SYNPR: variants seen among roughly 807,000 people sequenced by gnomAD.
SYNPR encodes the protein synaptoporin.
A neutral mutation model predicts 32.9 loss-of-function variants in SYNPR; 23 were observed. That is an observed-to-expected ratio of 0.70 (90% confidence interval 0.50 to 0.99). The LOEUF is 0.99. SYNPR is among the 50% of genes least tolerant of loss of function. The pLI, the probability that SYNPR is intolerant of heterozygous loss-of-function variation, is 0.00. For synonymous variants in SYNPR, 146 were observed against 135.9 expected, an observed-to-expected ratio of 1.07 and a Z score of -0.52; for missense variants, 318 against 349.3, an observed-to-expected ratio of 0.91 and a Z score of 0.71.
At chr3:63,406,977 T>A (rs2088368937) in intron 2 of SYNPR, among the ~76,000 whole-genome samples, 1 of 152,180 alleles carries the variant, frequency 6.6e-6, no homozygotes, top group Non-Finnish European at 1.5e-5. Context: ...GCCTGTGAAC[T>A]TTTTTGGACT....
intron 2 of SYNPR, among the ~76,000 whole-genome samples, chr3:63,380,015 A>T (rs1197404849): frequency 6.6e-6 from 1 of 151,908 alleles, no homozygotes; most frequent in Non-Finnish European, 1.5e-5. Flanking sequence ...AAGGACATGA[A>T]CTCATCATTT....
rs995492712 is a variant in SYNPR at position 63,452,022 on chromosome 3, G to C, written c.85-28810G>C. On this transcript the variant is annotated intron_variant, in intron 2 of 5. Transcript: ENST00000478300. ...CCTCCTTTCTTCCTCCCCCAGACCA[G>C]TTCCCTGATATAATTTTTTTCTCTT... The C allele has an allele frequency of 4.3e-6, 3 of 698,622 alleles. No homozygotes were observed. In the African/African-American group the frequency reaches 5.3e-5, roughly 12 times the overall value. 43.3% of individuals were successfully genotyped at this position (698,622 alleles called of 1,614,324 possible).
At chr3:63,304,500 T>C (rs758044546) in intron 2 of SYNPR, among the ~76,000 whole-genome samples, 1 of 152,004 alleles carries the variant, frequency 6.6e-6, no homozygotes, top group Non-Finnish European at 1.5e-5. Context: ...CAAAGGAATT[T>C]ATTCTCTAAA....
intron 3 of SYNPR, among the ~76,000 whole-genome samples, chr3:63,492,141 G>T (rs1293463798): frequency 6.6e-6 from 1 of 152,084 alleles, no homozygotes; most frequent in Non-Finnish European, 1.5e-5. Flanking sequence ...ATTTTCCCTT[G>T]CTCTAACCCT....
rs146061324 is a variant in SYNPR at position 63,337,546 on chromosome 3, A to C, written c.84+58804A>C. Among the ~76,000 whole-genome samples, 65 of 152,334 alleles carry C rather than the reference A, an allele frequency of 4.3e-4. No individual in the cohort carries two copies. In the East Asian group the frequency reaches 0.013, roughly 29 times the overall value. On this transcript the variant is annotated intron_variant, in intron 2 of 5. Transcript: ENST00000478300. Reference sequence around the variant, plus strand: ...AATGCATTAAAAACTACGTCCACACAAATAAACTGTCCACTAATGTTTACA... The same window carrying C: ...AATGCATTAAAAACTACGTCCACACCAATAAACTGTCCACTAATGTTTACA...
At chr3:63,425,671 A>G (rs1468682209) in intron 2 of SYNPR, among the ~76,000 whole-genome samples, 1 of 152,188 alleles carries the variant, frequency 6.6e-6, no homozygotes, top group Non-Finnish European at 1.5e-5. Context: ...GACCTTAGGC[A>G]GGTTACTTAA....
At chr3:63,549,397 G>A (rs1448611562) in intron 3 of SYNPR, among the ~76,000 whole-genome samples, 1 of 152,158 alleles carries the variant, frequency 6.6e-6, no homozygotes, top group East Asian at 1.9e-4. Context: ...AGGCAGGTAT[G>A]CGCAGTACTT....
At chr3:63,487,110 A>G (rs1408745863) in intron 3 of SYNPR, among the ~76,000 whole-genome samples, 4 of 152,222 alleles carry the variant, frequency 2.6e-5, no homozygotes, top group Admixed American at 6.5e-5. Context: ...AGATTATGTC[A>G]TAACCACTGC....
chr3:63,569,317 G>A (rs1702845911), intron 4 of SYNPR, among the ~76,000 whole-genome samples: 1 of 152,090 alleles, frequency 6.6e-6, no homozygotes, highest in Non-Finnish European at 1.5e-5. Flanking sequence ...GAAGGCAGAA[G>A]TTTCTAATTT....
At chr3:63,319,860 A>G (rs2087089579) in intron 2 of SYNPR, among the ~76,000 whole-genome samples, 1 of 152,006 alleles carries the variant, frequency 6.6e-6, no homozygotes, top group Non-Finnish European at 1.5e-5. Context: ...TCTTTATTTA[A>G]TCAGTCTCTA....
chr3:63,496,939 C>A (rs75798320), intron 3 of SYNPR, among the ~76,000 whole-genome samples: 2,751 of 152,142 alleles, frequency 0.018, 29 homozygotes, highest in Middle Eastern at 0.051. Context: ...AGGGAATGGG[C>A]TCTTTTTTTA....
rs77046549 is a variant in SYNPR at position 63,287,471 on chromosome 3, C to G, written c.84+8729C>G. Among the ~76,000 whole-genome samples the G allele has an allele frequency of 9.2e-3, 1,398 of 152,030 alleles. 25 individuals are homozygous for G. The highest frequency in any genetic ancestry group is 0.031 in the African/African-American group (1,272 of 41,440). ...CCACACTTTTTAATGACTTTTCATT[C>G]TAGCTACTCAATCAGAGTAAATGCA... On this transcript the variant is annotated intron_variant, in intron 2 of 5. Transcript: ENST00000478300.
upstream of SYNPR, chr3:63,228,193 C>T (rs562686319): frequency 6.6e-6 from 1 of 152,240 alleles, no homozygotes; most frequent in East Asian, 1.9e-4. Flanking sequence ...ATGAAGACTA[C>T]CTGAGCTTTA....
chr3:63,610,506 G>A (rs1700183435), intron 5 of SYNPR: 4 of 700,336 alleles, frequency 5.7e-6, no homozygotes, highest in Non-Finnish European at 1.0e-5. Context: ...AGGCACTTAA[G>A]AAGAGAGAAA....
chr3:63,389,157 A>G (rs2088097065), intron 2 of SYNPR, among the ~76,000 whole-genome samples: 1 of 152,200 alleles, frequency 6.6e-6, no homozygotes. Flanking sequence ...GTAACAGTAT[A>G]TTGTAACAAA....
At chr3:63,568,728 A>G (rs1216846782) in intron 4 of SYNPR, among the ~76,000 whole-genome samples, 1 of 152,132 alleles carries the variant, frequency 6.6e-6, no homozygotes, top group Non-Finnish European at 1.5e-5. Flanking sequence ...GGGGAGAGAA[A>G]AAGATAGAGG....
In SYNPR at chr3:63,595,793, ATATATAGT is replaced by A. The variant is rs1310399424; in HGVS notation, c.409-13325_409-13318del. Among the ~76,000 whole-genome samples the A allele has an allele frequency of 1.1e-3, 60 of 54,636 alleles. No homozygotes were observed. The East Asian group carries it at 0.031, about 28-fold the overall frequency. 35.8% of individuals were successfully genotyped at this position (54,636 alleles called of 152,430 possible). On this transcript the variant is annotated intron_variant, in intron 4 of 5. Transcript: ENST00000478300. ...TAATTTTATATATATATAGTTATAT[ATATATAGT>A]TATATATATATATAGTTTTATATAT... is the stretch of plus-strand genomic sequence containing the variant.
At chr3:63,219,430 AT>A in the SYNPR span, among the ~76,000 whole-genome samples, 1 of 152,018 alleles carries the variant, frequency 6.6e-6, no homozygotes, top group Non-Finnish European at 1.5e-5. Flanking sequence ...CTTCTATTTG[AT>A]ATGGGAAACC....
chr3:63,474,975 A>C (rs971222365), intron 2 of SYNPR, among the ~76,000 whole-genome samples: 1 of 152,156 alleles, frequency 6.6e-6, no homozygotes, highest in African/African-American at 2.4e-5. Flanking sequence ...CAGAAGGATT[A>C]ATATCACCTT....
Sources: allele counts gnomAD v4.1 joint callset (sites outside exome capture counted in the v4.1 genomes callset), GRCh38; gene constraint gnomAD v4.1.1; transcripts MANE v1.5; gene names NCBI Gene and HGNC (gene_info 2026-07-23, HGNC 2026-07-21).